The following LHFPL6 variants were observed in gnomAD, a reference collection of about 807,000 sequenced individuals.
The protein encoded by LHFPL6 is LHFPL tetraspan subfamily member 6, also known as LHFPL tetraspan subfamily member 6 protein.
A neutral mutation model predicts 20.6 loss-of-function variants in LHFPL6; 9 were observed. The observed-to-expected ratio is 0.44, with a 90% CI of 0.26 to 0.76. LHFPL6 has a LOEUF of 0.76. LHFPL6 is among the 30% of genes least tolerant of loss of function. The probability of loss-of-function intolerance (pLI) is 0.20; values close to 1 mark genes in which losing one functional copy is unlikely to be tolerated. For synonymous variants in LHFPL6, 105 were observed against 98.7 expected (o/e 1.06, Z -0.38); for missense variants, 218 against 253.5 (o/e 0.86, Z 0.95).
chr13:39,478,017 T>C (rs2138442316), intron 2 of LHFPL6, among the ~76,000 whole-genome samples: 1 of 152,372 alleles, frequency 6.6e-6, no homozygotes, highest in East Asian at 1.9e-4. Context: ...TGGAAACCAA[T>C]GTCCAGTTTT....
At chr13:39,524,727 T>C (rs1870233403) in intron 2 of LHFPL6, among the ~76,000 whole-genome samples, 1 of 152,174 alleles carries the variant, frequency 6.6e-6, no homozygotes, top group Non-Finnish European at 1.5e-5. Flanking sequence ...TAGGGGAACA[T>C]GAGACAAATA....
chr13:39,470,952 G>A (rs1872928081), intron 2 of LHFPL6, among the ~76,000 whole-genome samples: 1 of 152,152 alleles, frequency 6.6e-6, no homozygotes, highest in Non-Finnish European at 1.5e-5. Flanking sequence ...AATATTCAGT[G>A]GACATCCACA....
chr13:39,402,043 G>A (rs1207260343), intron 2 of LHFPL6, among the ~76,000 whole-genome samples: 2 of 152,128 alleles, frequency 1.3e-5, no homozygotes, highest in African/African-American at 2.4e-5. Context: ...AACTTGAAAT[G>A]TGTTGGAAAA....
intron 3 of LHFPL6, among the ~76,000 whole-genome samples, chr13:39,348,881 G>T (rs1282218216): frequency 1.3e-5 from 2 of 152,114 alleles, no homozygotes; most frequent in Non-Finnish European, 2.9e-5. Flanking sequence ...TTGTTATCTG[G>T]ATCCATTCCT....
intron 2 of LHFPL6, among the ~76,000 whole-genome samples, chr13:39,417,878 C>A (rs899801738): frequency 6.6e-6 from 1 of 151,948 alleles, no homozygotes; most frequent in Non-Finnish European, 1.5e-5. Flanking sequence ...GTTTAGAAAG[C>A]GAAAGAAAGG....
intron 2 of LHFPL6, among the ~76,000 whole-genome samples, chr13:39,437,325 G>A (rs2138410575): frequency 6.6e-6 from 1 of 152,276 alleles, no homozygotes; most frequent in South Asian, 2.1e-4. Flanking sequence ...CTCATAAATG[G>A]TTTAACACCA....
chr13:39,431,158 C>A (rs1021507159), intron 2 of LHFPL6, among the ~76,000 whole-genome samples: 1 of 151,780 alleles, frequency 6.6e-6, no homozygotes, highest in Non-Finnish European at 1.5e-5. Flanking sequence ...GACCACGAAC[C>A]CACCAGAAGG....
intron 2 of LHFPL6, among the ~76,000 whole-genome samples, chr13:39,524,577 G>C (rs1870228115): frequency 6.6e-6 from 1 of 152,158 alleles, no homozygotes; most frequent in African/African-American, 2.4e-5. Flanking sequence ...ATCTGCAGGA[G>C]GTATATTGTG....
chr13:39,521,613 G>T (rs75821304), intron 2 of LHFPL6, among the ~76,000 whole-genome samples: 2,068 of 151,954 alleles, frequency 0.014, 65 homozygotes, highest in African/African-American at 0.048. Context: ...GTCATTGTGT[G>T]TATGTGTGTG....
intron 2 of LHFPL6, among the ~76,000 whole-genome samples, chr13:39,441,499 GA>G (rs11394386): frequency 2.6e-5 from 4 of 151,096 alleles, no homozygotes; most frequent in Admixed American, 1.3e-4. Context: ...CAGAATTTCT[GA>G]AAAAAAATAC....
chr13:39,588,266 C>G (rs2138546058), intron 2 of LHFPL6, among the ~76,000 whole-genome samples: 1 of 152,298 alleles, frequency 6.6e-6, no homozygotes, highest in East Asian at 1.9e-4. Context: ...AGCTCAGCAA[C>G]AGCAGGAACC....
chr13:39,431,081 A>C (rs1871784900), intron 2 of LHFPL6, among the ~76,000 whole-genome samples: 1 of 152,152 alleles, frequency 6.6e-6, no homozygotes, highest in Non-Finnish European at 1.5e-5. Flanking sequence ...ACAACTCCAG[A>C]CACGCCACCT....
chr13:39,602,727 A>G (rs1375525311), intron 1 of LHFPL6, among the ~76,000 whole-genome samples, 156 bp downstream of exon 1: 1 of 152,230 alleles, frequency 6.6e-6, no homozygotes, highest in Non-Finnish European at 1.5e-5. Context: ...GGCAGACGCC[A>G]AGAGCGGACG....
chr13:39,369,584 T>TTCCTTCCTTCCTTCCTTCCCTCCCTCCC (rs1566095632), intron 3 of LHFPL6, among the ~76,000 whole-genome samples: 27 of 145,586 alleles, frequency 1.9e-4, no homozygotes, highest in Non-Finnish European at 3.0e-4. Context: ...CCTTCCTTCC[T>TTCCTTCCTTCCTTCCTTCCCTCCCTCCC]TCCTTCCTTC....
At chr13:39,562,713 C>T (rs1168240875) in intron 2 of LHFPL6, among the ~76,000 whole-genome samples, 8 of 141,658 alleles carry the variant, frequency 5.6e-5, no homozygotes, top group South Asian at 2.3e-4. Context: ...TATATACACA[C>T]ACACACTACG....
intron 2 of LHFPL6, among the ~76,000 whole-genome samples, chr13:39,590,739 A>G (rs770766395): frequency 1.3e-5 from 2 of 152,236 alleles, no homozygotes; most frequent in African/African-American, 2.4e-5. Context: ...AGAATGATGT[A>G]AAGATCTCTT....
At chr13:39,541,061 G>C (rs1870781159) in intron 2 of LHFPL6, among the ~76,000 whole-genome samples, 3 of 152,142 alleles carry the variant, frequency 2.0e-5, no homozygotes, top group Admixed American at 2.0e-4. Flanking sequence ...GACAAGATTA[G>C]TAAAGGTTTA....
intron 2 of LHFPL6, among the ~76,000 whole-genome samples, chr13:39,568,276 A>AG (rs1251394115): frequency 9.1e-6 from 1 of 110,274 alleles, no homozygotes; most frequent in Non-Finnish European, 1.8e-5. Flanking sequence ...GGAAATATCC[A>AG]GAAAAAAAAA....
intron 3 of LHFPL6, among the ~76,000 whole-genome samples, chr13:39,347,154 G>A (rs905527841): frequency 6.6e-6 from 1 of 150,754 alleles, no homozygotes; most frequent in Non-Finnish European, 1.5e-5. Context: ...GCCTATGAGG[G>A]CTTAAATGTC....
Sources: allele counts gnomAD v4.1 joint callset (sites outside exome capture counted in the v4.1 genomes callset), GRCh38; gene constraint gnomAD v4.1.1; transcripts MANE v1.5; gene names NCBI Gene and HGNC (gene_info 2026-07-23, HGNC 2026-07-21).